NOSTRIN: variants seen among roughly 807,000 people sequenced by gnomAD.
NOSTRIN encodes nitric oxide synthase trafficking.
In NOSTRIN, 63 loss-of-function variants were observed where a neutral mutation model predicts 59.0. That is an observed-to-expected ratio of 1.07 (90% CI 0.87 to 1.32). NOSTRIN has a LOEUF of 1.32. Among genes scored for constraint, NOSTRIN ranks in the 40% most tolerant of loss-of-function variants. NOSTRIN has a pLI of 0.00. For missense variants in NOSTRIN, 512 were observed against 473.1 expected (o/e 1.08, Z -0.76); for synonymous variants, 200 against 165.4 (o/e 1.21, Z -1.61).
In NOSTRIN at chr2:168,845,580, C is replaced by T. The variant is rs189097367; in HGVS notation, c.630+2463C>T. ...CCTCTCCTTCATCTCAGTTTCCTTT[C>T]CTCCTGTTAAGATCCTCTACATGTT... On this transcript the variant is annotated intron_variant, in intron 8 of 15. Transcript: ENST00000317647. 4.4e-3 allele frequency among the ~76,000 whole-genome samples: 665 copies of T among 152,254 alleles called. 7 individuals carry two copies. Among genetic ancestry groups the T allele is most frequent in the African/African-American group, 0.015 (609 of 41,552 alleles).
chr2:168,823,249 C>T (rs1260638231), intron 2 of NOSTRIN, among the ~76,000 whole-genome samples: 1 of 152,194 alleles, frequency 6.6e-6, no homozygotes, highest in Non-Finnish European at 1.5e-5. Context: ...ATCTCCTGAC[C>T]TTGTGATCCG....
chr2:168,809,422 G>A (rs1053281635), intron 1 of NOSTRIN, among the ~76,000 whole-genome samples: 111 of 152,256 alleles, frequency 7.3e-4, no homozygotes, highest in Middle Eastern at 3.4e-3. Context: ...GCTGAGAAAT[G>A]ACCTTATTTC....
At chr2:168,792,523 C>G (rs1685384226) in intron 2 of NOSTRIN, among the ~76,000 whole-genome samples, 1 of 152,166 alleles carries the variant, frequency 6.6e-6, no homozygotes, top group Admixed American at 6.5e-5. Flanking sequence ...GATCTTGACT[C>G]ACTGCAACCT....
intron 3 of NOSTRIN, among the ~76,000 whole-genome samples, chr2:168,827,363 T>C (rs1339462066): frequency 2.6e-5 from 4 of 152,144 alleles, no homozygotes; most frequent in Non-Finnish European, 5.9e-5. Flanking sequence ...ATCTGAGCTG[T>C]TGTCCTCAAA....
Position 168,831,548 on chromosome 2 carries a change from A to C in NOSTRIN, c.405+14A>C. On this transcript the variant is annotated intron_variant, in intron 6 of 15. Transcript: ENST00000317647. ...CAGCAAATTAAGGCAAGTATCCACA[A>C]ATACCATTTGTGTAAACTCAGTTTT... The C allele has an allele frequency of 2.3e-6, 2 of 858,172 alleles. No individual in the cohort carries two copies. The highest frequency in any genetic ancestry group is 2.4e-5 in the East Asian group (1 of 41,466). 53.2% of individuals were successfully genotyped at this position (858,172 alleles called of 1,614,324 possible).
chr2:168,787,848 T>A lies in NOSTRIN; in HGVS notation c.-660-13T>A, dbSNP rs112410588. On this transcript the variant is annotated splice_polypyrimidine_tract_variant and intron_variant, in intron 1 of 20. Coordinates refer to the NOSTRIN transcript ENST00000458381. ...AGGCTGTTGTGATTTTCATTTTTTT[T>A]AATTTTTTTCAGATAAACTGAAGCA... 53 of 150,450 alleles carry A rather than the reference T, an allele frequency of 3.5e-4. No individual in the cohort carries two copies. The highest frequency in any genetic ancestry group is 2.0e-3 in the East Asian group (10 of 5,104). The allele number at this position is 150,450 out of a possible 1,614,324, so 9.3% of individuals were successfully genotyped here.
intron 8 of NOSTRIN, 50 bp downstream of exon 8, chr2:168,843,167 C>T: frequency 1.2e-6 from 1 of 836,800 alleles, no homozygotes; most frequent in South Asian, 1.4e-5. Context: ...CTTTGTGTGA[C>T]CTTGAAGATG....
intron 2 of NOSTRIN, among the ~76,000 whole-genome samples, chr2:168,815,083 C>T (rs1686330255): frequency 1.3e-5 from 2 of 152,068 alleles, no homozygotes; most frequent in Non-Finnish European, 2.9e-5. Context: ...ACTTGGATAC[C>T]AGAGGCAGCA....
Position 168,855,463 on chromosome 2 carries a change from G to T in NOSTRIN, c.964+3G>T. 1 of 1,556,910 alleles carries T rather than the reference G, an allele frequency of 6.4e-7. No homozygotes were observed. The highest frequency in any genetic ancestry group is 1.1e-5 in the South Asian group (1 of 89,050). On this transcript the variant is annotated splice_donor_region_variant and intron_variant, in intron 11 of 15. Coordinates refer to ENST00000317647, the MANE Select transcript of NOSTRIN (RefSeq NM_001039724.4). ...AAAAGCCTCAAAAGACAAGGAAGGTGTGTAACCATCTCTTTGAATGGCCAG... is the reference window on the plus strand; with the variant it reads ...AAAAGCCTCAAAAGACAAGGAAGGTTTGTAACCATCTCTTTGAATGGCCAG...
chr2:168,811,113 T>C (rs1686111308), intron 1 of NOSTRIN, among the ~76,000 whole-genome samples: 1 of 152,212 alleles, frequency 6.6e-6, no homozygotes, highest in African/African-American at 2.4e-5. Context: ...ACTGACAGTT[T>C]CATATCTCAG....
intron 2 of NOSTRIN, among the ~76,000 whole-genome samples, chr2:168,813,371 C>T (rs1686246100): frequency 6.6e-6 from 1 of 152,150 alleles, no homozygotes; most frequent in Admixed American, 6.6e-5. Flanking sequence ...TAGATGATGC[C>T]TGCTGCTAAA....
intron 8 of NOSTRIN, chr2:168,850,861 C>G: frequency 1.3e-6 from 1 of 796,144 alleles, no homozygotes; most frequent in Non-Finnish European, 2.1e-6. Context: ...TGCCTATATG[C>G]CTTTTGGGTC....
intron 10 of NOSTRIN, among the ~76,000 whole-genome samples, chr2:168,853,907 G>T (rs993422777): frequency 3.3e-5 from 5 of 151,630 alleles, no homozygotes; most frequent in Non-Finnish European, 7.4e-5. Flanking sequence ...TCGCTCTGTG[G>T]CCCAGGCTGG....
intron 2 of NOSTRIN, among the ~76,000 whole-genome samples, chr2:168,816,732 T>G (rs546018942): frequency 6.6e-6 from 1 of 152,150 alleles, no homozygotes; most frequent in East Asian, 1.9e-4. Context: ...GCACTGTAAT[T>G]CTCTGTTCAC....
chr2:168,842,718 G>A (rs1688171955), intron 7 of NOSTRIN, among the ~76,000 whole-genome samples: 1 of 152,144 alleles, frequency 6.6e-6, no homozygotes, highest in Admixed American at 6.5e-5. Flanking sequence ...TTGACTGTGT[G>A]AGTGTAGACA....
intron 7 of NOSTRIN, among the ~76,000 whole-genome samples, chr2:168,836,078 A>G (rs1687701665): frequency 6.6e-6 from 1 of 152,256 alleles, no homozygotes; most frequent in Non-Finnish European, 1.5e-5. Flanking sequence ...AGAAATATCC[A>G]TTGAATAACT....
At chr2:168,798,813 C>CGATAGATAGATAGATA (rs57650807), upstream of NOSTRIN, among the ~76,000 whole-genome samples, 10 of 149,230 alleles carry the variant, frequency 6.7e-5, no homozygotes, top group South Asian at 1.7e-3. Flanking sequence ...ATCGATCGAT[C>CGATAGATAGATAGATA]GATAGATAGA....
At chr2:168,825,540 TTG>T (rs138498345) in intron 3 of NOSTRIN, among the ~76,000 whole-genome samples, 1 of 152,070 alleles carries the variant, frequency 6.6e-6, no homozygotes, top group Non-Finnish European at 1.5e-5. Context: ...ATGTGCTCTA[TTG>T]TGTGTGTGTG....
At chr2:168,805,077 CG>C (rs1399808728) in intron 1 of NOSTRIN, among the ~76,000 whole-genome samples, 3 of 152,092 alleles carry the variant, frequency 2.0e-5, no homozygotes, top group African/African-American at 7.2e-5. Flanking sequence ...TTTAACCCTA[CG>C]CTACTTAAAA....
Sources: gnomAD v4.1 joint callset for allele counts (sites outside exome capture counted in the v4.1 genomes callset) on GRCh38, gnomAD v4.1.1 for gene constraint, MANE v1.5 for transcripts, NCBI Gene and HGNC (gene_info 2026-07-23, HGNC 2026-07-21) for gene names.